TSPAN8: variants seen among roughly 807,000 people sequenced by gnomAD.
The protein encoded by TSPAN8 is tetraspanin-8.
A neutral mutation model predicts 32.8 loss-of-function variants in TSPAN8; 21 were observed. The observed-to-expected ratio is 0.64, with a 90% CI of 0.45 to 0.92. TSPAN8 has a LOEUF of 0.92. Ranked by LOEUF, TSPAN8 falls within the 40% of genes least tolerant of loss-of-function variation. The probability of loss-of-function intolerance (pLI) is 0.00; values close to 1 mark genes in which losing one functional copy is unlikely to be tolerated. For synonymous variants in TSPAN8, 95 were observed against 94.6 expected (o/e 1.00, Z -0.03); for missense variants, 269 against 281.9 (o/e 0.95, Z 0.33).
intron 8 of TSPAN8, among the ~76,000 whole-genome samples, chr12:71,125,712 G>C (rs1302742023): frequency 6.6e-6 from 1 of 152,096 alleles, no homozygotes; most frequent in Non-Finnish European, 1.5e-5. Context: ...CTTCTGCAGA[G>C]CGTCTCCTCT....
chr12:71,139,601 G>T, intron 4 of TSPAN8, 110 bp downstream of exon 4: 1 of 1,374,746 alleles, frequency 7.3e-7, no homozygotes, highest in Non-Finnish European at 9.9e-7. Context: ...AAGAGAAGTT[G>T]GAGTTAGAGT....
At chr12:71,140,303 T>C (rs1449300563) in intron 3 of TSPAN8, among the ~76,000 whole-genome samples, 1 of 152,114 alleles carries the variant, frequency 6.6e-6, no homozygotes, top group African/African-American at 2.4e-5. Flanking sequence ...AAAGAAGCCA[T>C]AGAAAAAAGT....
intron 2 of TSPAN8, among the ~76,000 whole-genome samples, chr12:71,147,901 C>T (rs143145590): frequency 6.6e-6 from 1 of 152,238 alleles, no homozygotes; most frequent in Non-Finnish European, 1.5e-5. Context: ...TTATCAAAAA[C>T]TGAGAGGCAG....
At chr12:71,153,004 G>A (rs533590741) in intron 2 of TSPAN8, among the ~76,000 whole-genome samples, 9 of 152,124 alleles carry the variant, frequency 5.9e-5, no homozygotes, top group Non-Finnish European at 1.5e-5. Context: ...AATACATTCA[G>A]CTTTACAATT....
At chr12:71,144,448 G>A (rs1872008113) in intron 2 of TSPAN8, among the ~76,000 whole-genome samples, 1 of 152,064 alleles carries the variant, frequency 6.6e-6, no homozygotes, top group Non-Finnish European at 1.5e-5. Flanking sequence ...ACAGCTCTAT[G>A]GACAAGAAGT....
At chr12:71,142,853 A>AAC (rs1555195668) in intron 3 of TSPAN8, among the ~76,000 whole-genome samples, 1 of 151,224 alleles carries the variant, frequency 6.6e-6, no homozygotes. Flanking sequence ...AAAACAAAAA[A>AAC]AAAAAAAACA....
At chr12:71,133,560 G>A (rs1871587128) in intron 6 of TSPAN8, among the ~76,000 whole-genome samples, 1 of 151,978 alleles carries the variant, frequency 6.6e-6, no homozygotes, top group Non-Finnish European at 1.5e-5. Context: ...AAGACAGGAG[G>A]AAAAAAATGA....
rs185732930 is a variant in TSPAN8, at chr12:71,133,737, G to T, written c.445-913C>A. 1.1e-4 allele frequency among the ~76,000 whole-genome samples: 16 copies of T among 152,240 alleles called. No homozygotes were observed. In the East Asian group the frequency reaches 3.1e-3, roughly 29 times the overall value. On this transcript the variant is annotated intron_variant, in intron 6 of 8. Transcript: ENST00000247829. ...CTGATCCATGGAAAACACTAAAAAA[G>T]AGGGTTTGCAGCCACATTTGAGGAA...
intron 3 of TSPAN8, among the ~76,000 whole-genome samples, chr12:71,141,916 T>C (rs1871913758): frequency 1.3e-5 from 2 of 152,172 alleles, no homozygotes; most frequent in South Asian, 4.1e-4. Flanking sequence ...AGGGACCTCC[T>C]GGGACAAGGA....
intron 3 of TSPAN8, among the ~76,000 whole-genome samples, chr12:71,142,557 A>C (rs1196488745): frequency 6.6e-6 from 1 of 152,202 alleles, no homozygotes. Context: ...CAGATTCTAC[A>C]GGATGGTAAT....
At chr12:71,130,047 G>A (rs894429725) in intron 7 of TSPAN8, among the ~76,000 whole-genome samples, 3 of 151,156 alleles carry the variant, frequency 2.0e-5, no homozygotes, top group African/African-American at 7.3e-5. Flanking sequence ...TGACTTCCTG[G>A]GCTCAAGTGA....
At chr12:71,147,017 T>A (rs938235917) in intron 2 of TSPAN8, among the ~76,000 whole-genome samples, 1 of 152,132 alleles carries the variant, frequency 6.6e-6, no homozygotes, top group Non-Finnish European at 1.5e-5. Context: ...CATGAGAAGA[T>A]GGCCACAGAA....
chr12:71,139,951 T>C, intron 3 of TSPAN8, 103 bp from the exon 4 acceptor site: 1 of 1,035,386 alleles, frequency 9.7e-7, no homozygotes, highest in Non-Finnish European at 1.3e-6. Flanking sequence ...TCAAGTCCTG[T>C]GCCAGGACCC....
chr12:71,137,822 T>A, intron 6 of TSPAN8, 131 bp downstream of exon 6: 1 of 746,696 alleles, frequency 1.3e-6, no homozygotes, highest in Non-Finnish European at 2.1e-6. Flanking sequence ...TCTTATTGCA[T>A]GGTGACAGAA....
At chr12:71,129,489 T>A in intron 7 of TSPAN8, 75 bp from the exon 8 acceptor site, 1 of 1,376,580 alleles carries the variant, frequency 7.3e-7, no homozygotes, top group Non-Finnish European at 9.6e-7. Context: ...TTTTTATTAA[T>A]CTGGTTGACT....
At chr12:71,149,201 C>T (rs1448761036) in intron 2 of TSPAN8, among the ~76,000 whole-genome samples, 1 of 151,984 alleles carries the variant, frequency 6.6e-6, no homozygotes, top group East Asian at 1.9e-4. Flanking sequence ...CTTGTCTCTA[C>T]TAAAAATACC....
intron 4 of TSPAN8, 68 bp from the exon 5 acceptor site, chr12:71,138,298 A>G (rs1871781012): frequency 7.2e-7 from 1 of 1,382,320 alleles, no homozygotes; most frequent in Non-Finnish European, 1.0e-6. Context: ...ACATTCTGGC[A>G]CAGCACTTCT....
intron 2 of TSPAN8, chr12:71,157,014 T>C (rs1872465082): frequency 6.6e-6 from 1 of 152,198 alleles, no homozygotes; most frequent in African/African-American, 2.4e-5. Flanking sequence ...TCCTGTCAAT[T>C]AAAAGGTAGG....
chr12:71,144,097 T>C, intron 3 of TSPAN8, 54 bp downstream of exon 3: 1 of 1,491,630 alleles, frequency 6.7e-7, no homozygotes, highest in Non-Finnish European at 9.2e-7. Context: ...CTTTCATTAT[T>C]ATAAATGAAA....
Sources: allele counts gnomAD v4.1 joint callset (sites outside exome capture counted in the v4.1 genomes callset), GRCh38; gene constraint gnomAD v4.1.1; transcripts MANE v1.5; gene names NCBI Gene and HGNC (gene_info 2026-07-23, HGNC 2026-07-21).